Variants in LRP1B observed in about 807,000 individuals in gnomAD.
LRP1B encodes LDL receptor related protein 1B.
In LRP1B, 217 loss-of-function variants were observed where a neutral mutation model predicts 556.6. The ratio of observed to expected loss-of-function variants is 0.39; its 90% CI spans 0.35 to 0.44. LRP1B has a LOEUF of 0.44. Among genes scored for constraint, LRP1B ranks in the 20% least tolerant of loss-of-function variants. The pLI is 1.00. For synonymous variants in LRP1B, 2,047 were observed against 1,865.8 expected (o/e 1.10, Z -2.50); for missense variants, 5,053 against 5,620.8 (o/e 0.90, Z 3.23).
At chr2:141,575,223 A>C (rs904638951) in intron 2 of LRP1B, among the ~76,000 whole-genome samples, 9 of 152,246 alleles carry the variant, frequency 5.9e-5, no homozygotes, top group Admixed American at 5.9e-4. Flanking sequence ...CTACAAGGCT[A>C]CAGTAACCAA....
chr2:140,994,306 A>C (rs1410844842), intron 15 of LRP1B, among the ~76,000 whole-genome samples, 171 bp from the exon 16 acceptor site: 1 of 151,898 alleles, frequency 6.6e-6, no homozygotes, highest in Non-Finnish European at 1.5e-5. Flanking sequence ...ATCCAGGTTC[A>C]TCCAAGTTGT....
intron 3 of LRP1B, among the ~76,000 whole-genome samples, chr2:141,457,009 G>A (rs911521511): frequency 6.6e-6 from 1 of 152,186 alleles, no homozygotes; most frequent in Admixed American, 6.5e-5. Flanking sequence ...CTGACTGAAT[G>A]GATTATAGAT....
At chr2:141,709,134 A>C (rs1484927606) in intron 2 of LRP1B, among the ~76,000 whole-genome samples, 1 of 152,078 alleles carries the variant, frequency 6.6e-6, no homozygotes, top group East Asian at 1.9e-4. Flanking sequence ...GCAGATCACA[A>C]GGTCAGGAGT....
At position 141,614,080 on chromosome 2, in the gene LRP1B, C is replaced by CAGAAA. The variant is rs1553543025; in HGVS notation, c.206-133548_206-133547insTTTCT. On this transcript the variant is annotated intron_variant, in intron 2 of 90. Transcript: ENST00000389484. ...GGGCGATAAGAGCAAAACTCAGCCTCAAAAAAAAAAAAAAAAAAAAAGAAA... is the reference window on the plus strand; with the variant it reads ...GGGCGATAAGAGCAAAACTCAGCCTCAGAAAAAAAAAAAAAAAAAAAAAAAAGAAA... Among the ~76,000 whole-genome samples the CAGAAA allele has an allele frequency of 1.1e-3, 51 of 47,354 alleles. 2 individuals carry two copies. Among genetic ancestry groups the CAGAAA allele is most frequent in the South Asian group, 5.8e-3 (5 of 866 alleles). 31.1% of individuals were successfully genotyped at this position (47,354 alleles called of 152,430 possible).
At chr2:140,250,144 C>G (rs1681343336) in intron 86 of LRP1B, among the ~76,000 whole-genome samples, 1 of 151,772 alleles carries the variant, frequency 6.6e-6, no homozygotes, top group Non-Finnish European at 1.5e-5. Flanking sequence ...GCAATCTTTT[C>G]TTGTTTTTGT....
intron 66 of LRP1B, among the ~76,000 whole-genome samples, chr2:140,422,258 A>G (rs890976062): frequency 6.6e-6 from 1 of 152,182 alleles, no homozygotes; most frequent in Non-Finnish European, 1.5e-5. Context: ...GACACCGAAA[A>G]TCTGGTAGAA....
chr2:140,252,617 G>A (rs1337334858), intron 86 of LRP1B, among the ~76,000 whole-genome samples: 2 of 151,962 alleles, frequency 1.3e-5, no homozygotes, highest in African/African-American at 2.4e-5. Flanking sequence ...CTCATGCCCA[G>A]GAGAGTACCA....
At position 141,028,348 on chromosome 2, in the gene LRP1B, A is replaced by G. The variant is rs146217394; in HGVS notation, c.1790-8246T>C. On this transcript the variant is annotated intron_variant, in intron 11 of 90. Coordinates refer to ENST00000389484, the MANE Select transcript of LRP1B (RefSeq NM_018557.3). Reference sequence around the variant, plus strand: ...TATAGTATAAAATTATTCAAGGTAGATATGTATCTCTTAAAGAAAAAGAAT... The same window carrying G: ...TATAGTATAAAATTATTCAAGGTAGGTATGTATCTCTTAAAGAAAAAGAAT... Among the ~76,000 whole-genome samples, 190 of 151,956 alleles carry G rather than the reference A, an allele frequency of 1.3e-3. 6 individuals carry two copies. The East Asian group carries it at 0.034, about 27-fold the overall frequency.
chr2:142,060,518 A>G (rs1704867139), intron 1 of LRP1B, among the ~76,000 whole-genome samples: 1 of 152,094 alleles, frequency 6.6e-6, no homozygotes, highest in South Asian at 2.1e-4. Flanking sequence ...AAGATGTTTA[A>G]GACCTGGTAT....
At chr2:141,201,064 ACC>A (rs1469094535) in intron 6 of LRP1B, among the ~76,000 whole-genome samples, 1 of 152,176 alleles carries the variant, frequency 6.6e-6, no homozygotes, top group Non-Finnish European at 1.5e-5. Context: ...GTGTAGAAGG[ACC>A]TATATTATTT....
chr2:141,423,064 G>A (rs1205984071), intron 3 of LRP1B, among the ~76,000 whole-genome samples: 1 of 152,128 alleles, frequency 6.6e-6, no homozygotes, highest in East Asian at 1.9e-4. Context: ...GAAGAAAACA[G>A]GGTGTTGTAA....
At chr2:140,324,220 GAATT>G (rs1425447731) in intron 80 of LRP1B, among the ~76,000 whole-genome samples, 154 bp from the exon 81 acceptor site, 2 of 151,944 alleles carry the variant, frequency 1.3e-5, no homozygotes, top group Admixed American at 1.3e-4. Flanking sequence ...GAAGTTCTTA[GAATT>G]AATATATCTG....
chr2:140,801,188 A>G (rs1690496825), intron 32 of LRP1B, among the ~76,000 whole-genome samples: 1 of 152,132 alleles, frequency 6.6e-6, no homozygotes, highest in South Asian at 2.1e-4. Flanking sequence ...GAGAAGCGAG[A>G]CCTGTTCGTA....
chr2:141,902,477 A>G (rs770914077), intron 1 of LRP1B, among the ~76,000 whole-genome samples: 31 of 152,076 alleles, frequency 2.0e-4, no homozygotes, highest in Admixed American at 4.6e-4. Context: ...TTCAAAGCCT[A>G]TTCCGGGGGC....
At chr2:140,500,162 CACTTCTTAAT>C (rs1689119151) in intron 55 of LRP1B, among the ~76,000 whole-genome samples, 1 of 151,754 alleles carries the variant, frequency 6.6e-6, no homozygotes, top group Non-Finnish European at 1.5e-5. Flanking sequence ...CAAGTTTAAC[CACTTCTTAAT>C]ACAATATTGG....
intron 7 of LRP1B, among the ~76,000 whole-genome samples, chr2:141,118,481 A>G (rs1026427913): frequency 6.6e-6 from 1 of 151,934 alleles, no homozygotes; most frequent in African/African-American, 2.4e-5. Flanking sequence ...TTTTTTGTAA[A>G]CTAGTTCTTG....
intron 7 of LRP1B, among the ~76,000 whole-genome samples, chr2:141,149,449 A>C (rs566898038): frequency 6.6e-6 from 1 of 152,152 alleles, no homozygotes; most frequent in Admixed American, 6.6e-5. Context: ...TAATCTTCTC[A>C]ATGGTTTACC....
intron 7 of LRP1B, among the ~76,000 whole-genome samples, chr2:141,176,689 TAG>T (rs1319618837): frequency 6.6e-5 from 10 of 151,828 alleles, no homozygotes; most frequent in African/African-American, 2.4e-4. Context: ...AAACTTTTAA[TAG>T]ATGATTTGGA....
chr2:141,823,395 T>C (rs1202232593), intron 1 of LRP1B, among the ~76,000 whole-genome samples: 1 of 152,060 alleles, frequency 6.6e-6, no homozygotes, highest in Non-Finnish European at 1.5e-5. Flanking sequence ...GTGCTCAACA[T>C]CTGGGTCTTG....
Sources: gnomAD v4.1 joint callset for allele counts (sites outside exome capture counted in the v4.1 genomes callset) on GRCh38, gnomAD v4.1.1 for gene constraint, MANE v1.5 for transcripts, NCBI Gene and HGNC (gene_info 2026-07-23, HGNC 2026-07-21) for gene names.